Variants in DPP9 observed in about 807,000 individuals in gnomAD.
DPP9 encodes dipeptidyl peptidase IV-related protein-2.
In DPP9, 50 loss-of-function variants were observed where a neutral mutation model predicts 110.7. The ratio of observed to expected loss-of-function variants is 0.45; its 90% CI spans 0.36 to 0.57. The LOEUF (loss-of-function observed/expected upper bound fraction) is 0.57. DPP9 is among the 20% of genes least tolerant of loss of function. The probability of loss-of-function intolerance (pLI) is 0.00; values close to 1 mark genes in which losing one functional copy is unlikely to be tolerated. For missense variants in DPP9, 1,022 were observed against 1,217.9 expected (o/e 0.84, Z 2.39); for synonymous variants, 561 against 514.4 (o/e 1.09, Z -1.23).
chr19:4,701,205 C>T lies in DPP9; in HGVS notation c.1012+822G>A, dbSNP rs904225277. Among the ~76,000 whole-genome samples the T allele has an allele frequency of 2.0e-5, 3 of 152,180 alleles. No homozygotes were observed. In the East Asian group the frequency reaches 5.8e-4, roughly 29 times the overall value. On this transcript the variant is annotated intron_variant, in intron 9 of 21. Coordinates refer to ENST00000262960, the MANE Select transcript of DPP9 (RefSeq NM_139159.5). ...TGGGAGTGGCCGGGCGTGTGGCTCA[C>T]GTCTGTAATCTCAGCATTTTGGGAG...
rs761292376 is a variant in DPP9, at chr19:4,700,259, A to G, written c.1031T>C (p.Ile344Thr). The change falls in exon 10 of 22, where the codon ATT (isoleucine) becomes ACT (threonine). Residue 344 changes from isoleucine (I) to threonine (T), a missense_variant. Ile to Thr is a moderately conservative substitution (Grantham distance 89). Around this residue, in one of 3 missense-constraint regions of DPP9, gnomAD observed 810 missense variants for 920.6 expected, o/e 0.88. Coordinates refer to ENST00000262960, the MANE Select transcript of DPP9 (RefSeq NM_139159.5). This position sits in a 1 kb window ranked among gnomAD's most constrained non-coding sequence, Gnocchi z 4.3. Reference sequence around the variant, plus strand: ...CTGGAACTCAGCCAGTTTCAAGGCAATCTTGGGATTCTTGCTGCCTGCAAA... The same window carrying G: ...CTGGAACTCAGCCAGTTTCAAGGCAGTCTTGGGATTCTTGCTGCCTGCAAA... ...YPRTGSKNPK[I>T]ALKLAEFQTD... 5.0e-6 allele frequency: 8 copies of G among 1,597,492 alleles called. No homozygotes were observed. The highest frequency in any genetic ancestry group is 5.1e-6 in the Non-Finnish European group (6 of 1,169,674).
chr19:4,720,685 C>T (rs2093281559), intron 2 of DPP9, among the ~76,000 whole-genome samples: 1 of 152,060 alleles, frequency 6.6e-6, no homozygotes, highest in African/African-American at 2.4e-5. Flanking sequence ...CGGGGGTGAC[C>T]CTGGCATGGA....
At chr19:4,714,485 T>C in intron 3 of DPP9, 148 bp from the exon 4 acceptor site, 3 of 975,950 alleles carry the variant, frequency 3.1e-6, no homozygotes, top group Non-Finnish European at 4.4e-6. Flanking sequence ...CTTGGGTTGG[T>C]CTACCTCTCT....
intron 4 of DPP9, among the ~76,000 whole-genome samples, chr19:4,711,910 C>T (rs1396298228): frequency 2.0e-5 from 3 of 151,992 alleles, no homozygotes; most frequent in South Asian, 2.1e-4. Flanking sequence ...GGATGCTGGC[C>T]GCCACCAGAA....
chr19:4,716,678 C>A (rs898944498), intron 3 of DPP9, among the ~76,000 whole-genome samples: 2 of 151,920 alleles, frequency 1.3e-5, no homozygotes, highest in African/African-American at 4.8e-5. Context: ...TCACGACCTG[C>A]AATTGTCACC....
At chr19:4,723,102 A>C (rs1385790982) in intron 1 of DPP9, among the ~76,000 whole-genome samples, 1 of 152,202 alleles carries the variant, frequency 6.6e-6, no homozygotes, top group Non-Finnish European at 1.5e-5. Flanking sequence ...CTCGGCAGGA[A>C]AAAGAGTCTC....
chr19:4,683,816 G>T, intron 18 of DPP9, 187 bp from the exon 19 acceptor site: 1 of 1,535,824 alleles, frequency 6.5e-7, no homozygotes, highest in African/African-American at 1.4e-5. Context: ...AGATCCAGCA[G>T]CCATCTTGCT....
chr19:4,677,550 C>A (rs2089048798), intron 21 of DPP9, among the ~76,000 whole-genome samples: 1 of 152,202 alleles, frequency 6.6e-6, no homozygotes, highest in South Asian at 2.1e-4. Flanking sequence ...CTCTTGCCTT[C>A]TTTAATCCAT....
chr19:4,683,429 A>C (rs1337334932), intron 19 of DPP9, 48 bp downstream of exon 19: 2 of 1,602,848 alleles, frequency 1.2e-6, no homozygotes, highest in Non-Finnish European at 1.7e-6. Flanking sequence ...TAGATGGGGA[A>C]GGGGGCAGGG....
intron 2 of DPP9, among the ~76,000 whole-genome samples, chr19:4,721,283 G>T (rs1325251561): frequency 6.6e-6 from 1 of 152,236 alleles, no homozygotes; most frequent in Non-Finnish European, 1.5e-5. Context: ...GTTCCACAGG[G>T]CAGGCCACAT....
In DPP9 at chr19:4,684,898, C is replaced by T. The variant is rs1423599508; in HGVS notation, c.2032-89G>A. ...AGATGCCGGTGGGCTGGGGACCGGG[C>T]CGGGCTGGGGCCTCAGAGCCTAATG... is the stretch of plus-strand genomic sequence containing the variant. On this transcript the variant is annotated intron_variant, in intron 17 of 21. Coordinates refer to ENST00000262960, the MANE Select transcript of DPP9 (RefSeq NM_139159.5). This position sits in a 1 kb window ranked among gnomAD's most constrained non-coding sequence, Gnocchi z 4.8. The T allele has an allele frequency of 6.6e-7, 1 of 1,516,554 alleles. No individual in the cohort carries two copies. Among genetic ancestry groups the T allele is most frequent in the Non-Finnish European group, 8.9e-7 (1 of 1,119,540 alleles). 93.9% of individuals were successfully genotyped at this position (1,516,554 alleles called of 1,614,324 possible). A position where few individuals can be genotyped will look rare whatever the true frequency, so the allele number is the denominator to read the frequency against.
intron 8 of DPP9, 22 bp downstream of exon 8, chr19:4,702,581 T>C: frequency 1.3e-6 from 2 of 1,558,526 alleles, no homozygotes; most frequent in East Asian, 2.4e-5. Flanking sequence ...CGGGAGCATG[T>C]TGAAAAATGG....
At chr19:4,701,333 TG>T (rs1362220571) in intron 9 of DPP9, among the ~76,000 whole-genome samples, 1 of 152,092 alleles carries the variant, frequency 6.6e-6, no homozygotes, top group African/African-American at 2.4e-5. Flanking sequence ...CTGGGCATGG[TG>T]GCACACACCT....
chr19:4,676,307 G>A lies in DPP9; in HGVS notation c.*257C>T. On this transcript the variant is annotated 3_prime_UTR_variant, in exon 22 of 22. Coordinates refer to ENST00000262960, the MANE Select transcript of DPP9 (RefSeq NM_139159.5). The surrounding 1 kb of genome is among the most constrained non-coding windows in gnomAD (Gnocchi z 4.0). ...TGTGACCTCCTCCTCCCAGAAGGCG[G>A]GGAGAGGAGGGGCTGGCCCGAGACC... 1.9e-6 allele frequency: 1 copy of A among 523,630 alleles called. No homozygotes were observed. Among genetic ancestry groups the A allele is most frequent in the Non-Finnish European group, 3.5e-6 (1 of 287,372 alleles). 32.4% of individuals were successfully genotyped at this position (523,630 alleles called of 1,614,324 possible).
At chr19:4,678,118 T>C (rs1044094998) in intron 21 of DPP9, among the ~76,000 whole-genome samples, 4 of 151,892 alleles carry the variant, frequency 2.6e-5, no homozygotes, top group Admixed American at 1.3e-4. Context: ...CTTTTCTTTT[T>C]TTTTTTTCTT....
Position 4,684,841 on chromosome 19 carries a change from CGA to C in DPP9, c.2032-34_2032-33del. ...GGAGGTGAGGGCCAGCAGTCCAGCACGAGATGCCGGGCAGGACGGGCCTGGCA... is the reference window on the plus strand; with the variant it reads ...GGAGGTGAGGGCCAGCAGTCCAGCACGATGCCGGGCAGGACGGGCCTGGCA... On this transcript the variant is annotated intron_variant, in intron 17 of 21. Transcript: ENST00000262960. This position sits in a 1 kb window ranked among gnomAD's most constrained non-coding sequence, Gnocchi z 4.8. The C allele has an allele frequency of 1.9e-6, 3 of 1,575,412 alleles. No individual in the cohort carries two copies. Among genetic ancestry groups the C allele is most frequent in the Non-Finnish European group, 2.6e-6 (3 of 1,161,416 alleles).
chr19:4,697,180 C>T (rs556538434), intron 11 of DPP9, among the ~76,000 whole-genome samples: 3 of 152,078 alleles, frequency 2.0e-5, no homozygotes, highest in South Asian at 4.2e-4. Context: ...GTTCTCTCCT[C>T]GACATGGGTG....
intron 4 of DPP9, among the ~76,000 whole-genome samples, chr19:4,713,824 G>A (rs999489775): frequency 1.3e-5 from 2 of 152,196 alleles, no homozygotes; most frequent in Admixed American, 1.3e-4. Context: ...CGGCATCCTG[G>A]CCACATGGAG....
rs1397266730 is a variant in DPP9, at chr19:4,694,579, G to A, written c.1516+82C>T. Reference sequence around the variant, plus strand: ...CGCAGGGTGTGCTGGCTGAGTGGGGGGGCCGACCAATGAACAAACAGCATA... The same window carrying A: ...CGCAGGGTGTGCTGGCTGAGTGGGGAGGCCGACCAATGAACAAACAGCATA... On this transcript the variant is annotated intron_variant, in intron 13 of 21. Coordinates refer to ENST00000262960, the MANE Select transcript of DPP9 (RefSeq NM_139159.5). This position sits in a 1 kb window ranked among gnomAD's most constrained non-coding sequence, Gnocchi z 4.0. 6.6e-7 allele frequency: 1 copy of A among 1,508,976 alleles called. No individual in the cohort carries two copies. Among genetic ancestry groups the A allele is most frequent in the Non-Finnish European group, 8.9e-7 (1 of 1,118,072 alleles). The allele number at this position is 1,508,976 out of a possible 1,614,324, so 93.5% of individuals were successfully genotyped here.
Sources: gnomAD v4.1 joint callset for allele counts (sites outside exome capture counted in the v4.1 genomes callset) on GRCh38, gnomAD v4.1.1 for gene constraint, gnomAD v4.1.1 regional missense constraint, Gnocchi (gnomAD v3.1) non-coding constraint, MANE v1.5 for transcripts, NCBI Gene and HGNC (gene_info 2026-07-23, HGNC 2026-07-21) for gene names.